MRPL51: variants seen among roughly 807,000 people sequenced by gnomAD.
MRPL51 encodes the protein mitochondrial ribosomal protein L51.
Under a neutral mutation model 15.0 loss-of-function variants are expected in MRPL51, and 6 were observed. That is an observed-to-expected ratio of 0.40 (90% confidence interval 0.22 to 0.79). MRPL51 has a LOEUF of 0.79. MRPL51 is among the 30% of genes least tolerant of loss of function. The pLI is 0.36. For synonymous variants in MRPL51, 65 were observed against 58.3 expected (o/e 1.11, Z -0.52); for missense variants, 155 against 166.4 (o/e 0.93, Z 0.38).
At chr12:6,493,262 T>TG (rs573777877), upstream of MRPL51, 569 of 1,028,098 alleles carry the variant, frequency 5.5e-4, 9 homozygotes, top group South Asian at 7.1e-3. Context: ...CAGGCAGCTG[T>TG]GGGCGCACCG....
In MRPL51 at chr12:6,492,138, G is replaced by T; in HGVS notation, c.*133C>A. 1 of 904,826 alleles carries T rather than the reference G, an allele frequency of 1.1e-6. No individual in the cohort carries two copies. Among genetic ancestry groups the T allele is most frequent in the Non-Finnish European group, 1.7e-6 (1 of 600,470 alleles). 56.0% of individuals were successfully genotyped at this position (904,826 alleles called of 1,614,324 possible). A position where few individuals can be genotyped will look rare whatever the true frequency, so the allele number is the denominator to read the frequency against. ...AGCATCTAGAGGAAAACAAAAGTAT[G>T]TGGCTATCAAATTCCAAAGAAGCCC... On this transcript the variant is annotated 3_prime_UTR_variant, in exon 3 of 3. Transcript: ENST00000229238.
In MRPL51 at chr12:6,492,434, C is replaced by G; in HGVS notation, c.224G>C (p.Arg75Thr). Residue 75 changes from arginine to threonine, a missense_variant, in exon 3 of 3, where the codon AGG (arginine) becomes ACG (threonine). By Grantham distance (71) the Arg-to-Thr change is moderately conservative. Transcript: ENST00000229238. ...NFEKHPKELI[R>T]GPIWLRGWKG... ...CCAACCTCGAAGCCATATGGGCCCC[C>G]TGATCAGTTCTTTGGGGTGCTTTTC... is the stretch of plus-strand genomic sequence containing the variant. 1 of 1,611,922 alleles carries G rather than the reference C, an allele frequency of 6.2e-7. No individual in the cohort carries two copies. Among genetic ancestry groups the G allele is most frequent in the Non-Finnish European group, 8.5e-7 (1 of 1,179,200 alleles).
Position 6,493,068 on chromosome 12 carries a change from G to A in MRPL51, c.69C>T (p.Ser23=), listed in dbSNP as rs758523942. Residue 23 remains serine, a synonymous_variant, in exon 1 of 3, where the codon AGC becomes AGT. Transcript: ENST00000229238. ...LWDWVPLACR[S]FSLGVPRLIG... The stretch of plus-strand genomic sequence containing the variant: ...ACATCAGCCACTTACCAAGAGAGAA[G>A]CTTCTGCACGCCAGAGGCACCCAGT... 8 of 1,613,492 alleles carry A rather than the reference G, an allele frequency of 5.0e-6. No homozygotes were observed. In the South Asian group the frequency reaches 6.6e-5, roughly 13 times the overall value.
chr12:6,492,139 T>C lies in MRPL51; in HGVS notation c.*132A>G, dbSNP rs1945925988. On this transcript the variant is annotated 3_prime_UTR_variant, in exon 3 of 3. Coordinates refer to ENST00000229238, the MANE Select transcript of MRPL51 (RefSeq NM_016497.4). ...GCATCTAGAGGAAAACAAAAGTATG[T>C]GGCTATCAAATTCCAAAGAAGCCCC... is the stretch of plus-strand genomic sequence containing the variant. The C allele has an allele frequency of 1.1e-6, 1 of 911,852 alleles. No individual in the cohort carries two copies. Among genetic ancestry groups the C allele is most frequent in the African/African-American group, 1.7e-5 (1 of 59,512 alleles). 56.5% of individuals were successfully genotyped at this position (911,852 alleles called of 1,614,324 possible). A position where few individuals can be genotyped will look rare whatever the true frequency, so the allele number is the denominator to read the frequency against.
Position 6,492,304 on chromosome 12 carries a change from G to A in MRPL51, c.354C>T (p.Tyr118=). Residue 118 remains tyrosine (Y), a synonymous_variant, in exon 3 of 3, where the codon TAC becomes TAT. Transcript: ENST00000229238. ...HNLNKRIRYL[Y]KHFNRHGKFR ...ACTTCCCATGTCGGTTAAAGTGTTT[G>A]TAGAGATAGCGGATGCGTTTATTAA... 1 of 1,612,270 alleles carries A rather than the reference G, an allele frequency of 6.2e-7. No individual in the cohort carries two copies. The highest frequency in any genetic ancestry group is 1.1e-5 in the South Asian group (1 of 90,680).
At chr12:6,492,533 T>C (rs934567338) in intron 2 of MRPL51, 66 bp from the exon 3 acceptor site, 2 of 1,476,342 alleles carry the variant, frequency 1.4e-6, no homozygotes, top group Non-Finnish European at 1.8e-6. Flanking sequence ...AGCTAAGCTT[T>C]CAACCCACGG....
intron 1 of MRPL51, 25 bp downstream of exon 1, chr12:6,493,033 C>T (rs762475691): frequency 6.2e-7 from 1 of 1,613,940 alleles, no homozygotes; most frequent in Admixed American, 1.7e-5. Context: ...AAGCAGTTAT[C>T]GGGGTGCCTA....
At chr12:6,492,603 A>G in intron 2 of MRPL51, 136 bp from the exon 3 acceptor site, 3 of 946,856 alleles carry the variant, frequency 3.2e-6, no homozygotes, top group Admixed American at 2.4e-5. Flanking sequence ...ACAATAGCAC[A>G]GACTCTGGAG....
At chr12:6,492,800 A>G in intron 2 of MRPL51, 62 bp downstream of exon 2, 2 of 1,472,350 alleles carry the variant, frequency 1.4e-6, no homozygotes, top group South Asian at 2.3e-5. Flanking sequence ...GGAGGAAAAG[A>G]TAGTCGTTAC....
In MRPL51 at chr12:6,492,565, C is replaced by T. The variant is rs146237525; in HGVS notation, c.191-98G>A. On this transcript the variant is annotated intron_variant, in intron 2 of 2. Transcript: ENST00000229238. The stretch of plus-strand genomic sequence containing the variant: ...ACGGTTGCATCTTGCTGAGCAGCAC[C>T]TATAGACAAGGAACATTACAGTACA... 17 of 1,265,498 alleles carry T rather than the reference C, an allele frequency of 1.3e-5. No homozygotes were observed. In the African/African-American group the frequency reaches 2.1e-4, roughly 16 times the overall value. 78.4% of individuals were successfully genotyped at this position (1,265,498 alleles called of 1,614,324 possible).
rs1036155618 is a variant in MRPL51, at chr12:6,493,198, C to A, written c.-62G>T. On this transcript the variant is annotated 5_prime_UTR_variant, in exon 1 of 3. Coordinates refer to ENST00000229238, the MANE Select transcript of MRPL51 (RefSeq NM_016497.4). Reference sequence around the variant, plus strand: ...AGCCCAAGAAGATGACAGGAACCGTCCCCGCCAACTTCACACGAGTACTAA... The same window carrying A: ...AGCCCAAGAAGATGACAGGAACCGTACCCGCCAACTTCACACGAGTACTAA... The A allele has an allele frequency of 3.2e-6, 5 of 1,577,420 alleles. No individual in the cohort carries two copies. In the South Asian group the frequency reaches 3.3e-5, roughly 11 times the overall value.
At position 6,493,034 on chromosome 12, in the gene MRPL51, G is replaced by C. The variant is rs111328644; in HGVS notation, c.79+24C>G. On this transcript the variant is annotated intron_variant, in intron 1 of 2. Coordinates refer to ENST00000229238, the MANE Select transcript of MRPL51 (RefSeq NM_016497.4). ...CCTATTATACTACGAAGCAGTTATC[G>C]GGGTGCCTACATCAGCCACTTACCA... 12 of 1,613,812 alleles carry C rather than the reference G, an allele frequency of 7.4e-6. No homozygotes were observed. In the African/African-American group the frequency reaches 8.0e-5, roughly 11 times the overall value.
chr12:6,492,448 G>C lies in MRPL51; in HGVS notation c.210C>G (p.Pro70=). The change falls in exon 3 of 3, where the codon CCC becomes CCG. Residue 70 remains proline (P), a synonymous_variant. Transcript: ENST00000229238. ...ATATGGGCCCCCTGATCAGTTCTTT[G>C]GGGTGCTTTTCAAAGTTTCCTGTGT... The part of the protein sequence containing the change: ...IGILGNFEKH[P]KELIRGPIWL... 1 of 1,603,932 alleles carries C rather than the reference G, an allele frequency of 6.2e-7. No individual in the cohort carries two copies. Among genetic ancestry groups the C allele is most frequent in the East Asian group, 2.2e-5 (1 of 44,832 alleles).
rs1316691302 is a variant in MRPL51 at position 6,492,084 on chromosome 12, A to C, written c.*187T>G. 1.7e-6 allele frequency: 1 copy of C among 597,966 alleles called. No individual in the cohort carries two copies. Among genetic ancestry groups the C allele is most frequent in the Non-Finnish European group, 2.8e-6 (1 of 352,878 alleles). 37.0% of individuals were successfully genotyped at this position (597,966 alleles called of 1,614,324 possible). A position where few individuals can be genotyped will look rare whatever the true frequency, so the allele number is the denominator to read the frequency against. On this transcript the variant is annotated 3_prime_UTR_variant, in exon 3 of 3. Coordinates refer to ENST00000229238, the MANE Select transcript of MRPL51 (RefSeq NM_016497.4). ...AAGATCCTAAGATCTAGGATGAGTC[A>C]AGACTTCATAGTCTACATGAGTAGA...
In MRPL51 at chr12:6,493,057, C is replaced by G; in HGVS notation, c.79+1G>C. The G allele has an allele frequency of 1.9e-6, 3 of 1,613,928 alleles. No homozygotes were observed. The highest frequency in any genetic ancestry group is 1.1e-5 in the South Asian group (1 of 91,082). ...TCGGGGTGCCTACATCAGCCACTTA[C>G]CAAGAGAGAAGCTTCTGCACGCCAG... On this transcript the variant is annotated splice_donor_variant, in intron 1 of 2. Transcript: ENST00000229238. LOFTEE classifies it high-confidence loss of function.
rs1945927975 is a variant in MRPL51 at position 6,492,300 on chromosome 12, G to T, written c.358C>A (p.His120Asn). Residue 120 changes from histidine (H) to asparagine (N), a missense_variant, in exon 3 of 3, where the codon CAC becomes AAC. Transcript: ENST00000229238. The part of the protein sequence containing the change: ...LNKRIRYLYK[H>N]FNRHGKFR Reference sequence around the variant, plus strand: ...CGAAACTTCCCATGTCGGTTAAAGTGTTTGTAGAGATAGCGGATGCGTTTA... The same window carrying T: ...CGAAACTTCCCATGTCGGTTAAAGTTTTTGTAGAGATAGCGGATGCGTTTA... The T allele has an allele frequency of 6.2e-7, 1 of 1,612,010 alleles. No homozygotes were observed. Among genetic ancestry groups the T allele is most frequent in the Non-Finnish European group, 8.5e-7 (1 of 1,179,330 alleles).
chr12:6,492,115 C>T lies in MRPL51; in HGVS notation c.*156G>A. ...TCATAGTCTACATGAGTAGAGGCAG[C>T]ATCTAGAGGAAAACAAAAGTATGTG... On this transcript the variant is annotated 3_prime_UTR_variant, in exon 3 of 3. Coordinates refer to ENST00000229238, the MANE Select transcript of MRPL51 (RefSeq NM_016497.4). 1.4e-6 allele frequency: 1 copy of T among 704,660 alleles called. No individual in the cohort carries two copies. Among genetic ancestry groups the T allele is most frequent in the Non-Finnish European group, 2.3e-6 (1 of 433,144 alleles). 43.7% of individuals were successfully genotyped at this position (704,660 alleles called of 1,614,324 possible).
chr12:6,492,049 G>A lies in MRPL51; in HGVS notation c.*222C>T. The stretch of plus-strand genomic sequence containing the variant: ...GACTGTAAAAGGCAAGTGGTGTGAA[G>A]CCCAAACCTAAGATCCTAAGATCTA... On this transcript the variant is annotated 3_prime_UTR_variant, in exon 3 of 3. Transcript: ENST00000229238. 2.0e-6 allele frequency: 1 copy of A among 492,282 alleles called. No individual in the cohort carries two copies. Among genetic ancestry groups the A allele is most frequent in the Non-Finnish European group, 3.5e-6 (1 of 283,130 alleles). 30.5% of individuals were successfully genotyped at this position (492,282 alleles called of 1,614,324 possible).
Position 6,492,933 on chromosome 12 carries a change from G to A in MRPL51, c.119C>T (p.Pro40Leu), listed in dbSNP as rs368488876. 5 of 1,614,054 alleles carry A rather than the reference G, an allele frequency of 3.1e-6. No individual in the cohort carries two copies. The highest frequency in any genetic ancestry group is 4.2e-6 in the Non-Finnish European group (5 of 1,179,980). ...GTTCCAACGATCAACCACTTTGGGG[G>A]GCGGGAGAGTGAGCCTTATACCGAT... is the stretch of plus-strand genomic sequence containing the variant. ...RLIGIRLTLPPPKVVDRWNEK... is the reference protein window; with the variant it reads ...RLIGIRLTLPLPKVVDRWNEK... Residue 40 changes from proline to leucine, a missense_variant, in exon 2 of 3, where the codon CCC becomes CTC. Transcript: ENST00000229238.
Sources: allele counts gnomAD v4.1 joint callset, GRCh38; gene constraint gnomAD v4.1.1; transcripts MANE v1.5; gene names NCBI Gene and HGNC (gene_info 2026-07-23, HGNC 2026-07-21).